MYO9B: variants seen among roughly 807,000 people sequenced by gnomAD.
The protein encoded by MYO9B is unconventional myosin-IXb.
Under a neutral mutation model 229.5 loss-of-function variants are expected in MYO9B, and 71 were observed. The observed-to-expected ratio is 0.31, with a 90% CI of 0.26 to 0.38. The LOEUF (loss-of-function observed/expected upper bound fraction) is 0.38. Ranked by LOEUF, MYO9B falls within the 10% of genes least tolerant of loss-of-function variation. The probability of loss-of-function intolerance (pLI) is 1.00; values close to 1 mark genes in which losing one functional copy is unlikely to be tolerated. For synonymous variants in MYO9B, 1,185 were observed against 1,235.8 expected (o/e 0.96, Z 0.86); for missense variants, 2,255 against 2,920.5 (o/e 0.77, Z 5.25).
chr19:17,134,924 C>T (rs572277148), intron 2 of MYO9B, among the ~76,000 whole-genome samples: 72 of 151,974 alleles, frequency 4.7e-4, no homozygotes, highest in Non-Finnish European at 8.1e-4. Flanking sequence ...CCACCACACC[C>T]GGCTAATTTT....
At chr19:17,086,417 C>A (rs934365201) in intron 1 of MYO9B, among the ~76,000 whole-genome samples, 1 of 152,206 alleles carries the variant, frequency 6.6e-6, no homozygotes, top group African/African-American at 2.4e-5. Flanking sequence ...TTGCCCTGAG[C>A]GCCGCCCCAC....
In MYO9B at chr19:17,168,800, G is replaced by A. The variant is rs145701933; in HGVS notation, c.1793+736G>A. Among the ~76,000 whole-genome samples, 11 of 151,646 alleles carry A rather than the reference G, an allele frequency of 7.3e-5. No individual in the cohort carries two copies. The East Asian group carries it at 2.1e-3, about 30-fold the overall frequency. Reference sequence around the variant, plus strand: ...CAATGGAGCAAGAGACAGGATTGGCGAGTTGTTACAAAGGGCAGTGCAGTG... The same window carrying A: ...CAATGGAGCAAGAGACAGGATTGGCAAGTTGTTACAAAGGGCAGTGCAGTG... On this transcript the variant is annotated intron_variant, in intron 11 of 39. Transcript: ENST00000682292.
At chr19:17,136,222 G>A (rs188626143) in intron 2 of MYO9B, among the ~76,000 whole-genome samples, 3 of 152,156 alleles carry the variant, frequency 2.0e-5, no homozygotes, top group Non-Finnish European at 4.4e-5. Flanking sequence ...GAGCAAGGAG[G>A]AGGGCCTAGG....
In MYO9B at chr19:17,203,278, G is replaced by C. The variant is rs2073127544; in HGVS notation, c.4990+20G>C. The C allele has an allele frequency of 7.8e-6, 12 of 1,530,032 alleles. No homozygotes were observed. Among genetic ancestry groups the C allele is most frequent in the East Asian group, 7.4e-5 (3 of 40,624 alleles). The allele number at this position is 1,530,032 out of a possible 1,614,324, so 94.8% of individuals were successfully genotyped here. On this transcript the variant is annotated intron_variant, in intron 30 of 39. Coordinates refer to ENST00000682292, the MANE Select transcript of MYO9B (RefSeq NM_004145.4). ...GCAGCGGTGAGTGGCTCCCCCACCA[G>C]GCCCCAAAACCCTCCATGTCCCCCA...
chr19:17,146,138 G>C (rs1295781396), intron 3 of MYO9B, among the ~76,000 whole-genome samples: 1 of 150,758 alleles, frequency 6.6e-6, no homozygotes, highest in Non-Finnish European at 1.5e-5. Context: ...TGGATGAATA[G>C]ATTCATGAAT....
rs1005909407 is a variant in MYO9B, at chr19:17,170,539, C to T, written c.1794-1797C>T. Among the ~76,000 whole-genome samples, 3 of 148,488 alleles carry T rather than the reference C, an allele frequency of 2.0e-5. No homozygotes were observed. The Admixed American group carries it at 2.1e-4, about 10-fold the overall frequency. On this transcript the variant is annotated intron_variant, in intron 11 of 39. Transcript: ENST00000682292. ...CAGATAAGAGCATTTGTGCCAGGTG[C>T]GGTGGCTCCCACCTGTAATTCCAAC...
At chr19:17,089,104 C>T (rs77371017) in intron 1 of MYO9B, among the ~76,000 whole-genome samples, 9,802 of 152,172 alleles carry the variant, frequency 0.064, 343 homozygotes, top group South Asian at 0.11. Flanking sequence ...CCGACTGGCA[C>T]GTGAGCGTGG....
At chr19:17,104,741 A>T (rs945506452) in intron 2 of MYO9B, among the ~76,000 whole-genome samples, 1 of 151,830 alleles carries the variant, frequency 6.6e-6, no homozygotes. Flanking sequence ...TAAAAAAAAA[A>T]CAAAAAAACA....
intron 36 of MYO9B, 34 bp from the exon 37 acceptor site, chr19:17,210,299 C>G (rs533882259): frequency 2.0e-5 from 31 of 1,566,542 alleles, no homozygotes; most frequent in Non-Finnish European, 2.6e-5. Flanking sequence ...CTGTCTTGGC[C>G]CGTGTGGTCA....
chr19:17,172,697 T>C lies in MYO9B; in HGVS notation c.1936-62T>C. 1 of 1,581,540 alleles carries C rather than the reference T, an allele frequency of 6.3e-7. No individual in the cohort carries two copies. The highest frequency in any genetic ancestry group is 8.7e-7 in the Non-Finnish European group (1 of 1,152,974). Reference sequence around the variant, plus strand: ...CAGCCCTTCCTGCGCCAGCCCGGGGTCTTTGGTAGGCGCCGGTGAGTGACT... The same window carrying C: ...CAGCCCTTCCTGCGCCAGCCCGGGGCCTTTGGTAGGCGCCGGTGAGTGACT... On this transcript the variant is annotated intron_variant, in intron 12 of 39. Coordinates refer to ENST00000682292, the MANE Select transcript of MYO9B (RefSeq NM_004145.4). The surrounding 1 kb of genome is among the most constrained non-coding windows in gnomAD (Gnocchi z 8.2).
At chr19:17,156,025 A>G (rs2072533233) in intron 6 of MYO9B, among the ~76,000 whole-genome samples, 1 of 150,726 alleles carries the variant, frequency 6.6e-6, no homozygotes, top group South Asian at 2.1e-4. Flanking sequence ...GTCTCAAAAA[A>G]AAAAAAAAAA....
At chr19:17,127,684 T>G (rs2072142031) in intron 2 of MYO9B, among the ~76,000 whole-genome samples, 1 of 152,192 alleles carries the variant, frequency 6.6e-6, no homozygotes, top group Admixed American at 6.5e-5. Flanking sequence ...TGTACAGTAA[T>G]AGGTGGCTGG....
At chr19:17,155,495 A>T (rs1455453129) in intron 6 of MYO9B, among the ~76,000 whole-genome samples, 2 of 152,218 alleles carry the variant, frequency 1.3e-5, no homozygotes, top group Admixed American at 1.3e-4. Context: ...AAATTTTTTT[A>T]AACCAGGCAT....
At chr19:17,180,232 C>CAATA (rs80341285) in intron 14 of MYO9B, among the ~76,000 whole-genome samples, 11,912 of 146,954 alleles carry the variant, frequency 0.081, 1,259 homozygotes, top group African/African-American at 0.24. Flanking sequence ...GACTCCGTCT[C>CAATA]AATAAATAAA....
chr19:17,095,331 A>G (rs2057677070), intron 1 of MYO9B: 2 of 152,340 alleles, frequency 1.3e-5, no homozygotes. Flanking sequence ...CCTTAAAAGG[A>G]AACGCGGTCC....
chr19:17,138,103 A>G (rs1346931522), intron 2 of MYO9B, among the ~76,000 whole-genome samples: 4 of 151,682 alleles, frequency 2.6e-5, no homozygotes, highest in African/African-American at 9.7e-5. Context: ...CCCTGTGTCC[A>G]TGTGTTCTCA....
In MYO9B at chr19:17,172,686, C is replaced by A; in HGVS notation, c.1936-73C>A. 6.4e-7 allele frequency: 1 copy of A among 1,567,594 alleles called. No individual in the cohort carries two copies. The highest frequency in any genetic ancestry group is 1.1e-5 in the South Asian group (1 of 89,638). On this transcript the variant is annotated intron_variant, in intron 12 of 39. Coordinates refer to ENST00000682292, the MANE Select transcript of MYO9B (RefSeq NM_004145.4). The surrounding 1 kb of genome is among the most constrained non-coding windows in gnomAD (Gnocchi z 8.2). ...CACCCCACCGTCAGCCCTTCCTGCG[C>A]CAGCCCGGGGTCTTTGGTAGGCGCC...
At chr19:17,090,067 A>C (rs115524256) in intron 1 of MYO9B, among the ~76,000 whole-genome samples, 30 of 136,378 alleles carry the variant, frequency 2.2e-4, no homozygotes, top group African/African-American at 8.1e-4. Context: ...CTCACTCAGC[A>C]TCATGTTTTT....
chr19:17,083,322 G>A lies in MYO9B; in HGVS notation c.-59+7448G>A, dbSNP rs57369461. Among the ~76,000 whole-genome samples the A allele has an allele frequency of 1.3e-5, 2 of 152,086 alleles. 1 individual carries two copies. Among genetic ancestry groups the A allele is most frequent in the South Asian group, 4.2e-4 (2 of 4,814 alleles). ...TGGGATTACAGGCGTGAGCCACCAC[G>A]CCCAGCCACTTTTCTGATTGATTTA... is the stretch of plus-strand genomic sequence containing the variant. On this transcript the variant is annotated intron_variant, in intron 1 of 39. Coordinates refer to ENST00000682292, the MANE Select transcript of MYO9B (RefSeq NM_004145.4).
Sources: gnomAD v4.1 joint callset for allele counts (sites outside exome capture counted in the v4.1 genomes callset) on GRCh38, gnomAD v4.1.1 for gene constraint, Gnocchi (gnomAD v3.1) non-coding constraint, MANE v1.5 for transcripts, NCBI Gene and HGNC (gene_info 2026-07-23, HGNC 2026-07-21) for gene names.